CEP350: variants seen among roughly 807,000 people sequenced by gnomAD.
CEP350 encodes centrosomal protein 350.
In CEP350, 126 loss-of-function variants were observed where a neutral mutation model predicts 331.8. That is an observed-to-expected ratio of 0.38 (90% CI 0.33 to 0.44). The LOEUF is 0.44. Among genes scored for constraint, CEP350 ranks in the 20% least tolerant of loss-of-function variants. The probability of loss-of-function intolerance (pLI) is 1.00; values close to 1 mark genes in which losing one functional copy is unlikely to be tolerated. For synonymous variants in CEP350, 1,200 were observed against 1,259.5 expected, an observed-to-expected ratio of 0.95 and a Z score of 1.00; for missense variants, 3,406 against 3,634.6, an observed-to-expected ratio of 0.94 and a Z score of 1.62.
chr1:179,973,081 A>G (rs1465751720), intron 1 of CEP350, among the ~76,000 whole-genome samples: 2 of 151,904 alleles, frequency 1.3e-5, no homozygotes, highest in Admixed American at 1.3e-4. Context: ...GTTAGCCAGG[A>G]TGGTCTTGAT....
rs10913930 is a variant in CEP350, at chr1:180,109,601, G to A, written c.9190-1396G>A. 5.8e-3 allele frequency among the ~76,000 whole-genome samples: 886 copies of A among 152,086 alleles called. 11 individuals are homozygous for A. The highest frequency in any genetic ancestry group is 0.02 in the African/African-American group (812 of 41,492). ...ATCTGGCCTCCATCCCATTCACAAT[G>A]TCATTTTGTATAGCAAATCTAATGT... On this transcript the variant is annotated intron_variant, in intron 37 of 37. Coordinates refer to ENST00000367607, the MANE Select transcript of CEP350 (RefSeq NM_014810.5).
At chr1:179,993,514 C>T (rs1473078240) in intron 5 of CEP350, among the ~76,000 whole-genome samples, 1 of 152,188 alleles carries the variant, frequency 6.6e-6, no homozygotes, top group African/African-American at 2.4e-5. Context: ...CCTCCACCTT[C>T]TGGACTCAGG....
At chr1:180,021,569 A>G (rs561708952) in intron 12 of CEP350, among the ~76,000 whole-genome samples, 1 of 152,240 alleles carries the variant, frequency 6.6e-6, no homozygotes, top group East Asian at 1.9e-4. Flanking sequence ...GAGGCACGAG[A>G]ATCGCTTGAA....
At chr1:179,956,907 G>T (rs1650209257) in intron 1 of CEP350, among the ~76,000 whole-genome samples, 1 of 151,986 alleles carries the variant, frequency 6.6e-6, no homozygotes, top group Non-Finnish European at 1.5e-5. Flanking sequence ...TAATATAGGT[G>T]CTCTGGCATT....
chr1:179,972,609 A>G (rs1053473188), intron 1 of CEP350, among the ~76,000 whole-genome samples: 1 of 152,004 alleles, frequency 6.6e-6, no homozygotes, highest in Non-Finnish European at 1.5e-5. Context: ...GGTTCAAGCA[A>G]TTCTCCTGCC....
In CEP350 at chr1:180,112,063, A is replaced by T. The variant is rs540573081; in HGVS notation, c.*902A>T. 1 of 152,786 alleles carries T rather than the reference A, an allele frequency of 6.5e-6. No homozygotes were observed. The highest frequency in any genetic ancestry group is 2.1e-4 in the South Asian group (1 of 4,836). 9.5% of individuals were successfully genotyped at this position (152,786 alleles called of 1,614,324 possible). On this transcript the variant is annotated 3_prime_UTR_variant, in exon 38 of 38. Transcript: ENST00000367607. Reference sequence around the variant, plus strand: ...CCCATCTTTCCCCAAGAAGTCAGAGATGCTGTTACTTGAATGATTTAGGAA... The same window carrying T: ...CCCATCTTTCCCCAAGAAGTCAGAGTTGCTGTTACTTGAATGATTTAGGAA...
Position 180,078,450 on chromosome 1 carries a change from C to T in CEP350, c.5768-13C>T. 3.8e-6 allele frequency: 6 copies of T among 1,582,762 alleles called. No individual in the cohort carries two copies. Among genetic ancestry groups the T allele is most frequent in the Non-Finnish European group, 3.5e-6 (4 of 1,157,756 alleles). On this transcript the variant is annotated splice_polypyrimidine_tract_variant and intron_variant, in intron 28 of 37. Transcript: ENST00000367607. ...TGTATCTTTTTTTTCTTGTTTTCAC[C>T]TTCTCTGTCTAGAAATAGCAAGTGA... is the stretch of plus-strand genomic sequence containing the variant.
chr1:180,015,538 A>G (rs576861528), intron 10 of CEP350, among the ~76,000 whole-genome samples: 11 of 152,072 alleles, frequency 7.2e-5, no homozygotes, highest in Non-Finnish European at 1.2e-4. Context: ...CTGGCCGGAA[A>G]TTGTTTATTT....
At chr1:180,006,190 C>G (rs1654241753) in intron 7 of CEP350, among the ~76,000 whole-genome samples, 2 of 152,106 alleles carry the variant, frequency 1.3e-5, no homozygotes, top group South Asian at 2.1e-4. Context: ...GTAAACTTCT[C>G]AAGAGTTTCT....
intron 13 of CEP350, 115 bp from the exon 14 acceptor site, chr1:180,024,304 C>T: frequency 1.1e-6 from 1 of 869,906 alleles, no homozygotes; most frequent in East Asian, 2.8e-5. Context: ...AGTGTTAAGC[C>T]ATCTTTGATT....
chr1:180,029,228 A>G (rs946765233), intron 14 of CEP350, among the ~76,000 whole-genome samples: 1 of 152,194 alleles, frequency 6.6e-6, no homozygotes, highest in African/African-American at 2.4e-5. Context: ...TTCTTTTCAT[A>G]TGGGTCCCTG....
At chr1:179,997,959 C>T (rs1653579862) in intron 6 of CEP350, among the ~76,000 whole-genome samples, 1 of 151,508 alleles carries the variant, frequency 6.6e-6, no homozygotes, top group African/African-American at 2.4e-5. Flanking sequence ...ATATTTAAAT[C>T]ACATTTATGC....
intron 10 of CEP350, among the ~76,000 whole-genome samples, chr1:180,015,218 A>G (rs775875764): frequency 0.017 from 2,471 of 141,954 alleles, 53 homozygotes; most frequent in South Asian, 0.067. Flanking sequence ...TTGTTTATTT[A>G]TTTATTTATT....
rs1358624469 is a variant in CEP350, at chr1:180,113,479, T to C, written c.*2318T>C. 1.3e-5 allele frequency: 2 copies of C among 152,150 alleles called. No homozygotes were observed. The highest frequency in any genetic ancestry group is 2.9e-5 in the Non-Finnish European group (2 of 68,022). 9.4% of individuals were successfully genotyped at this position (152,150 alleles called of 1,614,324 possible). On this transcript the variant is annotated 3_prime_UTR_variant, in exon 38 of 38. Transcript: ENST00000367607. Reference sequence around the variant, plus strand: ...TGTCCTGACAGACTCCAACTGTCTTTACTATCTGAAGAATCCTAGGCTCCA... The same window carrying C: ...TGTCCTGACAGACTCCAACTGTCTTCACTATCTGAAGAATCCTAGGCTCCA...
At chr1:180,108,166 T>C (rs1661249961) in intron 37 of CEP350, among the ~76,000 whole-genome samples, 1 of 152,218 alleles carries the variant, frequency 6.6e-6, no homozygotes, top group Non-Finnish European at 1.5e-5. Context: ...ACAAAGCTTT[T>C]GCCAACACCG....
Position 180,020,751 on chromosome 1 carries a change from C to G in CEP350, c.2977C>G (p.Leu993Val), listed in dbSNP as rs1655274583. ...AGGGCCTCTTCTTAGTGAGGGGAGTCTCTCTGAAGAAGAGGGAGACCAGGA... is the reference window on the plus strand; with the variant it reads ...AGGGCCTCTTCTTAGTGAGGGGAGTGTCTCTGAAGAAGAGGGAGACCAGGA... The part of the protein sequence containing the change: ...SEGPLLSEGS[L>V]SEEEGDQDGQ... Residue 993 changes from leucine (L) to valine (V), a missense_variant, in exon 12 of 38, where the codon CTC (leucine) becomes GTC (valine). Coordinates refer to ENST00000367607, the MANE Select transcript of CEP350 (RefSeq NM_014810.5). 1.9e-6 allele frequency: 3 copies of G among 1,613,870 alleles called. No individual in the cohort carries two copies. The highest frequency in any genetic ancestry group is 3.3e-4 in the Middle Eastern group (2 of 6,084).
chr1:179,959,325 A>G (rs1650415104), intron 1 of CEP350, among the ~76,000 whole-genome samples: 1 of 152,232 alleles, frequency 6.6e-6, no homozygotes, highest in Non-Finnish European at 1.5e-5. Context: ...GCGTGGTGGC[A>G]GGCCTGTAAT....
intron 37 of CEP350, among the ~76,000 whole-genome samples, chr1:180,106,844 T>TA (rs1294403088): frequency 6.6e-6 from 1 of 152,092 alleles, no homozygotes; most frequent in Admixed American, 6.5e-5. Flanking sequence ...TTATAGTACT[T>TA]ACAGGAGCTG....
intron 12 of CEP350, among the ~76,000 whole-genome samples, chr1:180,021,380 G>A (rs751162061): frequency 1.2e-4 from 18 of 152,048 alleles, no homozygotes; most frequent in Admixed American, 3.3e-4. Flanking sequence ...TAAACCAGGC[G>A]CGGTGGCTCA....
Sources: gnomAD v4.1 joint callset for allele counts (sites outside exome capture counted in the v4.1 genomes callset) on GRCh38, gnomAD v4.1.1 for gene constraint, MANE v1.5 for transcripts, NCBI Gene and HGNC (gene_info 2026-07-23, HGNC 2026-07-21) for gene names.